Variants in ELMOD3 observed in about 807,000 individuals in gnomAD.
The protein encoded by ELMOD3 is ELMO domain containing 3, also known as ELMO domain-containing protein 3.
In ELMOD3, 36 loss-of-function variants were observed where a neutral mutation model predicts 47.4. That is an observed-to-expected ratio of 0.76 (90% confidence interval 0.58 to 1.00). The LOEUF (loss-of-function observed/expected upper bound fraction) is 1.00. Ranked by LOEUF, ELMOD3 falls within the 50% of genes least tolerant of loss-of-function variation. The probability of loss-of-function intolerance (pLI) is 0.00; values close to 1 mark genes in which losing one functional copy is unlikely to be tolerated. For synonymous variants in ELMOD3, 149 were observed against 183.5 expected (o/e 0.81, Z 1.52); for missense variants, 404 against 463.8 (o/e 0.87, Z 1.18).
Position 85,371,387 on chromosome 2 carries a change from G to A in ELMOD3, c.485-53G>A, listed in dbSNP as rs1439258363. ...ATCTCACATTCTCTGAGAAGCACCCGGTTCTCCCATGAGGGGCAATCTGGC... is the reference window on the plus strand; with the variant it reads ...ATCTCACATTCTCTGAGAAGCACCCAGTTCTCCCATGAGGGGCAATCTGGC... On this transcript the variant is annotated intron_variant, in intron 9 of 13. Coordinates refer to ENST00000409013, the MANE Select transcript of ELMOD3 (RefSeq NM_001135022.2). 36 of 1,609,946 alleles carry A rather than the reference G, an allele frequency of 2.2e-5. 1 individual carries two copies. In the Middle Eastern group the frequency reaches 8.5e-4, roughly 38 times the overall value.
chr2:85,374,085 T>C (rs949742582), intron 10 of ELMOD3, among the ~76,000 whole-genome samples: 2 of 152,206 alleles, frequency 1.3e-5, no homozygotes, highest in Non-Finnish European at 2.9e-5. Flanking sequence ...CAGTTCTTTT[T>C]TTTCAGCACT....
intron 8 of ELMOD3, 47 bp downstream of exon 8, chr2:85,369,877 C>T: frequency 6.2e-7 from 1 of 1,605,274 alleles, no homozygotes; most frequent in Non-Finnish European, 8.5e-7. Context: ...TGCCTTTTCC[C>T]TAGGAGCCAA....
chr2:85,369,437 AC>A, intron 7 of ELMOD3, among the ~76,000 whole-genome samples: 1 of 152,120 alleles, frequency 6.6e-6, no homozygotes, highest in East Asian at 1.9e-4. Context: ...GTGGGTACCC[AC>A]CCCAGGCAGT....
At chr2:85,369,951 G>C in intron 8 of ELMOD3, 121 bp downstream of exon 8, 2 of 1,265,798 alleles carry the variant, frequency 1.6e-6, no homozygotes, top group Non-Finnish European at 2.2e-6. Context: ...TGGTGCCCAG[G>C]ATCATGGGTG....
At chr2:85,366,811 T>C (rs1684418581) in intron 6 of ELMOD3, among the ~76,000 whole-genome samples, 1 of 152,240 alleles carries the variant, frequency 6.6e-6, no homozygotes, top group Admixed American at 6.5e-5. Context: ...TTTATTGTCA[T>C]GTGATGTCCT....
intron 11 of ELMOD3, chr2:85,389,535 G>A (rs1686176633): frequency 1.7e-6 from 1 of 593,310 alleles, no homozygotes; most frequent in Admixed American, 3.0e-5. Flanking sequence ...TGGTATCCTG[G>A]TTCCCATGCC....
rs577826166 is a variant in ELMOD3 at position 85,364,604 on chromosome 2, G to T, written c.199+1438G>T. ...TCTCAAAAAAAAAAAAAAGAGACAG[G>T]TTCTTGCTGTGTTGCTCAGGCTGAT... On this transcript the variant is annotated intron_variant, in intron 6 of 13. Transcript: ENST00000409013. 6.3e-4 allele frequency among the ~76,000 whole-genome samples: 95 copies of T among 151,044 alleles called. 1 individual carries two copies. The highest frequency in any genetic ancestry group is 2.2e-3 in the African/African-American group (91 of 41,144).
chr2:85,368,593 T>G, intron 6 of ELMOD3, 93 bp from the exon 7 acceptor site: 1 of 1,225,692 alleles, frequency 8.2e-7, no homozygotes. Flanking sequence ...AAAAAAAAAA[T>G]AGGCCCAAGG....
chr2:85,380,706 G>A (rs367919870), intron 11 of ELMOD3, among the ~76,000 whole-genome samples: 28 of 152,130 alleles, frequency 1.8e-4, no homozygotes, highest in African/African-American at 6.8e-4. Flanking sequence ...TGTATTATTA[G>A]TAGAGACAGG....
rs1683620844 is a variant in ELMOD3, at chr2:85,357,167, A to T, written c.-32A>T. On this transcript the variant is annotated 5_prime_UTR_variant, in exon 4 of 14. Transcript: ENST00000409013. The stretch of plus-strand genomic sequence containing the variant: ...ACTAAAATGCTTTCTGGGCCCAAGG[A>T]CAAAGCTCACATGAACAAATGATTT... The T allele has an allele frequency of 6.4e-7, 1 of 1,566,720 alleles. No homozygotes were observed. The highest frequency in any genetic ancestry group is 1.4e-5 in the African/African-American group (1 of 73,090).
chr2:85,356,107 G>A (rs1683533108), intron 3 of ELMOD3: 1 of 152,260 alleles, frequency 6.6e-6, no homozygotes, highest in Non-Finnish European at 1.5e-5. Context: ...CAATTCCCCT[G>A]TGATGAGGTA....
intron 6 of ELMOD3, among the ~76,000 whole-genome samples, chr2:85,364,831 T>A (rs1271923595): frequency 0.024 from 2,414 of 100,222 alleles, 4 homozygotes; most frequent in Middle Eastern, 0.042. Flanking sequence ...ATATATTTTT[T>A]TTTTTTTTTT....
intron 4 of ELMOD3, chr2:85,360,818 CT>C: frequency 3.6e-6 from 1 of 274,110 alleles, no homozygotes; most frequent in Non-Finnish European, 7.7e-6. Flanking sequence ...TCAGGAAATT[CT>C]TTCACTGGTA....
intron 4 of ELMOD3, 125 bp from the exon 5 acceptor site, chr2:85,362,061 A>T: frequency 1.5e-6 from 1 of 648,382 alleles, no homozygotes; most frequent in Non-Finnish European, 2.7e-6. Flanking sequence ...AAGTTTCCCT[A>T]TGTAACAAAC....
At chr2:85,359,750 T>TTTTTG (rs1683818031) in intron 4 of ELMOD3, among the ~76,000 whole-genome samples, 1 of 152,084 alleles carries the variant, frequency 6.6e-6, no homozygotes, top group South Asian at 2.1e-4. Context: ...GTTTTGCTTT[T>TTTTTG]TTTTGTTTTG....
chr2:85,381,378 G>A (rs1169063032), intron 11 of ELMOD3, among the ~76,000 whole-genome samples: 5 of 152,174 alleles, frequency 3.3e-5, no homozygotes, highest in Admixed American at 6.5e-5. Flanking sequence ...CCTTGAGAGC[G>A]GAGACTTGAT....
intron 11 of ELMOD3, among the ~76,000 whole-genome samples, chr2:85,380,337 C>T (rs1233098601): frequency 1.3e-5 from 2 of 152,106 alleles, no homozygotes; most frequent in African/African-American, 2.4e-5. Context: ...GGATCAGCAA[C>T]GTTTTAAGCA....
At chr2:85,360,205 G>A (rs1164946220) in intron 4 of ELMOD3, among the ~76,000 whole-genome samples, 1 of 144,170 alleles carries the variant, frequency 6.9e-6, no homozygotes, top group Non-Finnish European at 1.5e-5. Context: ...GGCATAGGTT[G>A]AGGTGAGCCG....
At chr2:85,387,014 G>A (rs1685978216) in intron 11 of ELMOD3, 1 of 1,243,728 alleles carries the variant, frequency 8.0e-7, no homozygotes, top group African/African-American at 1.6e-5. Context: ...AAAAAAGAAT[G>A]TTCCTGAGAA....
Sources: gnomAD v4.1 joint callset for allele counts (sites outside exome capture counted in the v4.1 genomes callset) on GRCh38, gnomAD v4.1.1 for gene constraint, MANE v1.5 for transcripts, NCBI Gene and HGNC (gene_info 2026-07-23, HGNC 2026-07-21) for gene names.